The following C12orf42 variants were observed in gnomAD, a reference collection of about 807,000 sequenced individuals.
C12orf42 encodes the protein uncharacterized protein C12orf42.
Under a neutral mutation model 21.6 loss-of-function variants are expected in C12orf42, and 25 were observed. The observed-to-expected ratio is 1.16, with a 90% confidence interval of 0.84 to 1.62. The LOEUF (loss-of-function observed/expected upper bound fraction) is 1.62. Among genes scored for constraint, C12orf42 ranks in the 40% most tolerant of loss-of-function variants. The pLI is 0.00. For missense variants in C12orf42, 483 were observed against 459.3 expected, an observed-to-expected ratio of 1.05 and a Z score of -0.47; for synonymous variants, 174 against 175.0, an observed-to-expected ratio of 0.99 and a Z score of 0.05.
the C12orf42 span, among the ~76,000 whole-genome samples, chr12:103,159,275 G>A: frequency 2.6e-5 from 4 of 152,070 alleles, no homozygotes; most frequent in Non-Finnish European, 5.9e-5. Context: ...ACAGTCACAC[G>A]ACTTTTTCTT....
At chr12:103,071,488 C>A in the C12orf42 span, among the ~76,000 whole-genome samples, 1 of 152,086 alleles carries the variant, frequency 6.6e-6, no homozygotes, top group African/African-American at 2.4e-5. Flanking sequence ...TGATATGATT[C>A]GGCTGTGTTC....
At chr12:103,114,039 C>A in the C12orf42 span, among the ~76,000 whole-genome samples, 24 of 151,890 alleles carry the variant, frequency 1.6e-4, no homozygotes, top group Non-Finnish European at 4.4e-5. Context: ...TTCATGGGGG[C>A]GTTTTCTATT....
chr12:103,281,142 G>A (rs1264841406), intron 4 of C12orf42, among the ~76,000 whole-genome samples: 1 of 152,156 alleles, frequency 6.6e-6, no homozygotes, highest in Non-Finnish European at 1.5e-5. Flanking sequence ...ATTTGAAAGA[G>A]TAATTCTACA....
chr12:103,295,368 G>C (rs148457216), intron 4 of C12orf42, among the ~76,000 whole-genome samples: 29 of 152,016 alleles, frequency 1.9e-4, no homozygotes, highest in Middle Eastern at 6.8e-3. Context: ...TTCTAAATTG[G>C]AGGTTCTTCA....
chr12:103,086,162 C>G, the C12orf42 span, among the ~76,000 whole-genome samples: 4 of 151,944 alleles, frequency 2.6e-5, no homozygotes, highest in African/African-American at 9.7e-5. Context: ...TTTAAGCATT[C>G]CCCAACATCC....
chr12:103,420,834 C>T (rs2049827117), intron 2 of C12orf42, among the ~76,000 whole-genome samples: 1 of 152,116 alleles, frequency 6.6e-6, no homozygotes, highest in Non-Finnish European at 1.5e-5. Context: ...GTTTCTTTTG[C>T]ACTATACACA....
intron 4 of C12orf42, among the ~76,000 whole-genome samples, chr12:103,358,260 A>G (rs1304101194): frequency 1.3e-5 from 2 of 152,134 alleles, no homozygotes; most frequent in African/African-American, 4.8e-5. Flanking sequence ...TCCACCTCTT[A>G]ATGGGAAGAG....
chr12:103,403,202 C>T (rs1471495530), intron 2 of C12orf42, among the ~76,000 whole-genome samples: 4 of 152,016 alleles, frequency 2.6e-5, no homozygotes, highest in East Asian at 3.9e-4. Context: ...GGTGAAACCC[C>T]GTCTCTACTA....
chr12:103,544,118 T>G, the C12orf42 span, among the ~76,000 whole-genome samples: 1 of 152,180 alleles, frequency 6.6e-6, no homozygotes, highest in African/African-American at 2.4e-5. Flanking sequence ...GCCAAGTTGG[T>G]CTCAATCACC....
the C12orf42 span, among the ~76,000 whole-genome samples, chr12:103,206,705 A>G: frequency 6.6e-6 from 1 of 152,190 alleles, no homozygotes; most frequent in Non-Finnish European, 1.5e-5. Flanking sequence ...GTCATATTTG[A>G]AAACAGTTTC....
At chr12:103,194,081 CA>C in the C12orf42 span, among the ~76,000 whole-genome samples, 1 of 151,792 alleles carries the variant, frequency 6.6e-6, no homozygotes, top group East Asian at 1.9e-4. Context: ...ATCATATTAT[CA>C]TCTCAATAGA....
At chr12:103,068,831 C>A in the C12orf42 span, among the ~76,000 whole-genome samples, 1 of 147,564 alleles carries the variant, frequency 6.8e-6, no homozygotes, top group Non-Finnish European at 1.5e-5. Context: ...TATTATGGGA[C>A]CTTGTGATCA....
chr12:103,498,034 CAA>C (rs371302297), upstream of C12orf42, among the ~76,000 whole-genome samples: 1 of 133,336 alleles, frequency 7.5e-6, no homozygotes, highest in African/African-American at 2.8e-5. Context: ...GACTCCATCT[CAA>C]AAAAAAAAAA....
chr12:103,334,540 C>A (rs1055066017), intron 4 of C12orf42, among the ~76,000 whole-genome samples: 2 of 152,088 alleles, frequency 1.3e-5, no homozygotes, highest in African/African-American at 4.8e-5. Context: ...GCAGGGAAAT[C>A]CTCTGAGTAC....
chr12:103,413,569 G>A (rs191528460), intron 2 of C12orf42, among the ~76,000 whole-genome samples: 174 of 151,928 alleles, frequency 1.1e-3, no homozygotes, highest in Non-Finnish European at 2.0e-3. Context: ...TGAGATTTTG[G>A]TGCATCCATT....
At chr12:103,169,694 AAAG>A in the C12orf42 span, among the ~76,000 whole-genome samples, 1 of 152,322 alleles carries the variant, frequency 6.6e-6, no homozygotes, top group Non-Finnish European at 1.5e-5. Flanking sequence ...TTAATTGATT[AAAG>A]AAGGTGTTTT....
the C12orf42 span, among the ~76,000 whole-genome samples, chr12:103,078,726 C>A: frequency 6.6e-6 from 1 of 152,152 alleles, no homozygotes; most frequent in East Asian, 1.9e-4. Context: ...TTTGCACGGT[C>A]TATTTTAATC....
At chr12:103,225,404 C>T in the C12orf42 span, among the ~76,000 whole-genome samples, 1 of 152,024 alleles carries the variant, frequency 6.6e-6, no homozygotes, top group Non-Finnish European at 1.5e-5. Flanking sequence ...CTTTTTAAAG[C>T]GTGTTGCGGG....
chr12:103,299,326 A>T (rs1338249226), downstream of C12orf42, among the ~76,000 whole-genome samples: 1 of 151,782 alleles, frequency 6.6e-6, no homozygotes, highest in East Asian at 1.9e-4. Flanking sequence ...CTCTAGTACA[A>T]TACACAATAA....
Sources: allele counts gnomAD v4.1 joint callset (sites outside exome capture counted in the v4.1 genomes callset), GRCh38; gene constraint gnomAD v4.1.1; transcripts MANE v1.5; gene names NCBI Gene and HGNC (gene_info 2026-07-23, HGNC 2026-07-21).